Variants in FOXP1 observed in about 807,000 individuals in gnomAD.
FOXP1 encodes the protein forkhead box P1, also known as forkhead box protein P1.
Under a neutral mutation model 98.2 loss-of-function variants are expected in FOXP1, and 15 were observed. That is an observed-to-expected ratio of 0.15 (90% CI 0.10 to 0.24). The LOEUF (loss-of-function observed/expected upper bound fraction) is 0.24, where lower values mean the gene tolerates loss of function less well. Ranked by LOEUF, FOXP1 falls within the 10% of genes least tolerant of loss-of-function variation. The pLI is 1.00. For missense variants in FOXP1, 633 were observed against 848.5 expected, an observed-to-expected ratio of 0.75 and a Z score of 3.15; for synonymous variants, 371 against 314.5, an observed-to-expected ratio of 1.18 and a Z score of -1.90.
chr3:71,582,372 G>A (rs959253977), intron 1 of FOXP1: 4 of 978,024 alleles, frequency 4.1e-6, no homozygotes, highest in South Asian at 4.7e-5. Flanking sequence ...CTCGGCTCCC[G>A]GCGCCGCCGC....
intron 3 of FOXP1, among the ~76,000 whole-genome samples, chr3:71,411,354 A>G (rs2108273733): frequency 6.7e-6 from 1 of 149,894 alleles, no homozygotes; most frequent in African/African-American, 2.5e-5. Context: ...TTGCTCTGTC[A>G]CCCAGGCTGG....
At chr3:71,314,530 A>AAAATAT (rs146397821) in intron 4 of FOXP1, among the ~76,000 whole-genome samples, 39 of 143,400 alleles carry the variant, frequency 2.7e-4, no homozygotes, top group African/African-American at 8.1e-4. Context: ...CCGTCTAAAA[A>AAAATAT]ATATATATAT....
intron 5 of FOXP1, among the ~76,000 whole-genome samples, chr3:71,257,184 T>G (rs929526483): frequency 2.0e-5 from 3 of 152,126 alleles, no homozygotes; most frequent in Admixed American, 1.3e-4. Context: ...ATTATAAAAA[T>G]TTGGCTAACA....
chr3:71,210,986 G>A (rs539914474), intron 5 of FOXP1: 13 of 152,240 alleles, frequency 8.5e-5, no homozygotes, highest in South Asian at 4.1e-4. Context: ...AATCCAAAGA[G>A]TTGTAACAAT....
At chr3:71,323,741 A>G (rs2075528767) in intron 4 of FOXP1, among the ~76,000 whole-genome samples, 1 of 152,250 alleles carries the variant, frequency 6.6e-6, no homozygotes, top group South Asian at 2.1e-4. Context: ...ATCTTGACAA[A>G]GTAAATATTT....
intron 4 of FOXP1, among the ~76,000 whole-genome samples, chr3:71,315,264 T>C (rs1019662767): frequency 3.3e-5 from 5 of 152,110 alleles, no homozygotes; most frequent in Admixed American, 3.3e-4. Context: ...ACAGAACCAC[T>C]TTCCAGCCAC....
In FOXP1 at chr3:71,041,396, G is replaced by A. The variant is rs1395951809; in HGVS notation, c.801C>T (p.Thr267=). The change falls in exon 11 of 21, where the codon ACC becomes ACT. Residue 267 remains threonine (T), a synonymous_variant. Transcript: ENST00000649528. Reference sequence around the variant, plus strand: ...AGGCATGTGGGTTCATTATTAAGGAGGTCTTGGAAGGTGCAGAGGAGGAGA... The same window carrying A: ...AGGCATGTGGGTTCATTATTAAGGAAGTCTTGGAAGGTGCAGAGGAGGAGA... ...TCVSSSAPSK[T]SLIMNPHAST... is the part of the protein sequence containing the mutation. 1.2e-6 allele frequency: 2 copies of A among 1,613,846 alleles called. No individual in the cohort carries two copies. Among genetic ancestry groups the A allele is most frequent in the Non-Finnish European group, 1.7e-6 (2 of 1,179,826 alleles).
intron 6 of FOXP1, among the ~76,000 whole-genome samples, chr3:71,159,364 T>C (rs2061017991): frequency 6.6e-6 from 1 of 152,158 alleles, no homozygotes; most frequent in African/African-American, 2.4e-5. Context: ...AGGGGTGACT[T>C]AATAACTGCC....
intron 5 of FOXP1, among the ~76,000 whole-genome samples, chr3:71,254,307 T>A (rs560262721): frequency 6.6e-6 from 1 of 152,294 alleles, no homozygotes; most frequent in South Asian, 2.1e-4. Flanking sequence ...CCCCGCAAAG[T>A]GTGACTAGAA....
intron 2 of FOXP1, among the ~76,000 whole-genome samples, chr3:71,560,948 T>C (rs1031015888): frequency 6.6e-6 from 1 of 152,282 alleles, no homozygotes; most frequent in African/African-American, 2.4e-5. Context: ...AAGGTAATCA[T>C]CAGCTAAAGG....
At chr3:71,382,504 T>C (rs2080258550) in intron 3 of FOXP1, among the ~76,000 whole-genome samples, 1 of 152,166 alleles carries the variant, frequency 6.6e-6, no homozygotes, top group Admixed American at 6.5e-5. Flanking sequence ...GAGGGTGGTA[T>C]GTGGCAGAAA....
intron 7 of FOXP1, among the ~76,000 whole-genome samples, chr3:71,057,495 C>A (rs1474525500): frequency 6.7e-6 from 1 of 149,234 alleles, no homozygotes; most frequent in Non-Finnish European, 1.5e-5. Flanking sequence ...ATTTCCGATA[C>A]TGTAACTACC....
intron 6 of FOXP1, among the ~76,000 whole-genome samples, chr3:71,174,826 A>ACACACACACC (rs1050762895): frequency 1.7e-3 from 250 of 147,312 alleles, no homozygotes; most frequent in East Asian, 9.8e-3. Flanking sequence ...ACACACACAC[A>ACACACACACC]CCCCAATATA....
chr3:71,451,630 T>C (rs1442437088), intron 3 of FOXP1, among the ~76,000 whole-genome samples: 1 of 152,060 alleles, frequency 6.6e-6, no homozygotes, highest in Admixed American at 6.6e-5. Flanking sequence ...AACAATACAG[T>C]AATTAAAGTA....
chr3:71,168,981 A>G (rs908035374), intron 6 of FOXP1, among the ~76,000 whole-genome samples: 2 of 152,204 alleles, frequency 1.3e-5, no homozygotes, highest in Non-Finnish European at 2.9e-5. Flanking sequence ...CTGAGCCCGC[A>G]TGGGAGGAGA....
chr3:71,451,379 TAAGC>T (rs1336480193), intron 3 of FOXP1, among the ~76,000 whole-genome samples: 2 of 152,216 alleles, frequency 1.3e-5, no homozygotes, highest in Admixed American at 6.5e-5. Flanking sequence ...TGCTCAATGT[TAAGC>T]AAGTGGCTAG....
intron 3 of FOXP1, among the ~76,000 whole-genome samples, chr3:71,435,159 A>G: frequency 7.1e-6 from 1 of 141,242 alleles, no homozygotes; most frequent in South Asian, 2.5e-4. Context: ...GAGAGGAAGG[A>G]GAAGGAGGGA....
chr3:71,206,417 A>G (rs760122310), intron 5 of FOXP1, among the ~76,000 whole-genome samples: 1 of 152,212 alleles, frequency 6.6e-6, no homozygotes, highest in East Asian at 1.9e-4. Context: ...AACCCATTGG[A>G]AACACTGAAT....
intron 4 of FOXP1, among the ~76,000 whole-genome samples, chr3:71,338,088 A>G (rs2568832): frequency 0.94 from 143,302 of 152,268 alleles, 68,037 homozygotes; most frequent in East Asian, 1. Context: ...AAATGAAAGC[A>G]TGGCTTATGC....
Sources: gnomAD v4.1 joint callset for allele counts (sites outside exome capture counted in the v4.1 genomes callset) on GRCh38, gnomAD v4.1.1 for gene constraint, MANE v1.5 for transcripts, NCBI Gene and HGNC (gene_info 2026-07-23, HGNC 2026-07-21) for gene names.